The following PTGES2 variants were observed in gnomAD, a reference collection of about 807,000 sequenced individuals.
PTGES2 encodes the protein prostaglandin E synthase 2.
In PTGES2, 35 loss-of-function variants were observed where a neutral mutation model predicts 44.5. The observed-to-expected ratio is 0.79, with a 90% CI of 0.60 to 1.04. The LOEUF (loss-of-function observed/expected upper bound fraction) is 1.04, where lower values mean the gene tolerates loss of function less well. Ranked by LOEUF, PTGES2 falls within the 50% of genes least tolerant of loss-of-function variation. The pLI is 0.00. For missense variants in PTGES2, 517 were observed against 521.4 expected (o/e 0.99, Z 0.08); for synonymous variants, 221 against 227.5 (o/e 0.97, Z 0.26).
At position 128,123,672 on chromosome 9, in the gene PTGES2, C is replaced by T. The variant is rs1370356261; in HGVS notation, c.686+30G>A. The T allele has an allele frequency of 6.2e-7, 1 of 1,604,418 alleles. No homozygotes were observed. The highest frequency in any genetic ancestry group is 8.5e-7 in the Non-Finnish European group (1 of 1,173,898). ...CTACAGAAGACCCCTGCGGTCACCA[C>T]CTTCCCCCGCCAGCCCCAGCCCCAC... On this transcript the variant is annotated intron_variant, in intron 4 of 6. Coordinates refer to ENST00000338961, the MANE Select transcript of PTGES2 (RefSeq NM_025072.7). The surrounding 1 kb of genome is among the most constrained non-coding windows in gnomAD (Gnocchi z 4.4).
At chr9:128,127,372 C>T in intron 1 of PTGES2, 67 bp downstream of exon 1, 2 of 1,281,550 alleles carry the variant, frequency 1.6e-6, no homozygotes, top group East Asian at 3.0e-5. Context: ...CCTGACCCTG[C>T]GGGTTCCCAG....
chr9:128,127,692 C>A lies in PTGES2; in HGVS notation c.26G>T (p.Arg9Leu), dbSNP rs1177661924. The A allele has an allele frequency of 1.6e-6, 2 of 1,286,152 alleles. No homozygotes were observed. The highest frequency in any genetic ancestry group is 2.0e-6 in the Non-Finnish European group (2 of 1,017,088). The allele number at this position is 1,286,152 out of a possible 1,614,324, so 79.7% of individuals were successfully genotyped here. The change falls in exon 1 of 7, where the codon CGG becomes CTG. Residue 9 changes from arginine to leucine, a missense_variant. Transcript: ENST00000338961. Reference sequence around the variant, plus strand: ...GGCGCACCCACCAGGCCACAGCGCCCGCACCACCCGCGCAGCCGGGTCCAT... The same window carrying A: ...GGCGCACCCACCAGGCCACAGCGCCAGCACCACCCGCGCAGCCGGGTCCAT... MDPAARVV[R>L]ALWPGGCALA...
Position 128,122,454 on chromosome 9 carries a change from C to T in PTGES2, c.913G>A (p.Glu305Lys), listed in dbSNP as rs776906206. ...TTGTCAGCAGCCTCATAGAGGTCCT[C>T]GCGCACGTTGTCCTGGAGGCGGTGC... ...SRHRLQDNVREDLYEAADKWV... is the reference protein window; with the variant it reads ...SRHRLQDNVRKDLYEAADKWV... The change falls in exon 6 of 7, where the codon GAG becomes AAG. Residue 305 changes from glutamate to lysine, a missense_variant. Transcript: ENST00000338961. The T allele has an allele frequency of 2.4e-5, 38 of 1,614,024 alleles. 2 individuals carry two copies. The South Asian group carries it at 3.7e-4, about 16-fold the overall frequency.
Position 128,121,024 on chromosome 9 carries a change from G to T in PTGES2, c.*121C>A. ...TAGAAGCGAGAGGGCTGGTGGGGGT[G>T]CGTGGACAAGGGGCAGAATGATCCT... On this transcript the variant is annotated 3_prime_UTR_variant, in exon 7 of 7. Transcript: ENST00000338961. 2 of 1,272,914 alleles carry T rather than the reference G, an allele frequency of 1.6e-6. No individual in the cohort carries two copies. The highest frequency in any genetic ancestry group is 2.2e-6 in the Non-Finnish European group (2 of 923,736). 78.9% of individuals were successfully genotyped at this position (1,272,914 alleles called of 1,614,324 possible).
At chr9:128,128,093 C>G, upstream of PTGES2, 1 of 361,332 alleles carries the variant, frequency 2.8e-6, no homozygotes, top group South Asian at 2.2e-5. Flanking sequence ...CAAAACAACT[C>G]CAGCCCTTCC....
In PTGES2 at chr9:128,122,409, T is replaced by C; in HGVS notation, c.958A>G (p.Lys320Glu). 6.2e-7 allele frequency: 1 copy of C among 1,614,192 alleles called. No homozygotes were observed. Among genetic ancestry groups the C allele is most frequent in the South Asian group, 1.1e-5 (1 of 91,090 alleles). The change falls in exon 6 of 7, where the codon AAG (lysine) becomes GAG (glutamate). Residue 320 changes from lysine (K) to glutamate (E), a missense_variant. Coordinates refer to ENST00000338961, the MANE Select transcript of PTGES2 (RefSeq NM_025072.7). ...AADKWVAAVG[K>E]DRPFMGGQKP... ...TGGCCCCCCATGAAGGGCCGGTCCT[T>C]GCCCACAGCAGCCACCCACTTGTCA...
chr9:128,122,656 A>T, intron 5 of PTGES2, 177 bp from the exon 6 acceptor site: 1 of 641,710 alleles, frequency 1.6e-6, no homozygotes, highest in Non-Finnish European at 2.7e-6. Context: ...GCTGTGGTAA[A>T]GGCAAGAGAC....
At chr9:128,121,398 G>A (rs1486405135) in intron 6 of PTGES2, 125 bp from the exon 7 acceptor site, 1 of 1,208,280 alleles carries the variant, frequency 8.3e-7, no homozygotes, top group Non-Finnish European at 1.2e-6. Flanking sequence ...ACCCACTCAA[G>A]GGCCAACAGC....
intron 3 of PTGES2, among the ~76,000 whole-genome samples, chr9:128,124,133 A>AGT (rs1439254010): frequency 6.6e-6 from 1 of 151,104 alleles, no homozygotes; most frequent in Non-Finnish European, 1.5e-5. Context: ...CCCAGGCTGG[A>AGT]GTGCAGTGGC....
intron 2 of PTGES2, 96 bp downstream of exon 2, chr9:128,125,148 A>G (rs1173255075): frequency 1.7e-6 from 2 of 1,145,046 alleles, no homozygotes. Flanking sequence ...AAGGATCACA[A>G]GTTCCTTCCC....
Position 128,127,360 on chromosome 9 carries a change from C to A in PTGES2, c.279+79G>T, listed in dbSNP as rs544028600. ...CAAGGTCACAAGCAGGCAGAGGCAA[C>A]TCCTGACCCTGCGGGTTCCCAGGAG... On this transcript the variant is annotated intron_variant, in intron 1 of 6. Coordinates refer to ENST00000338961, the MANE Select transcript of PTGES2 (RefSeq NM_025072.7). 179 of 1,239,960 alleles carry A rather than the reference C, an allele frequency of 1.4e-4. No individual in the cohort carries two copies. The South Asian group carries it at 4.7e-3, about 33-fold the overall frequency. 76.8% of individuals were successfully genotyped at this position (1,239,960 alleles called of 1,614,324 possible). A position where few individuals can be genotyped will look rare whatever the true frequency, so the allele number is the denominator to read the frequency against.
chr9:128,127,045 G>A, intron 1 of PTGES2, among the ~76,000 whole-genome samples: 1 of 151,490 alleles, frequency 6.6e-6, no homozygotes, highest in Non-Finnish European at 1.5e-5. Flanking sequence ...AGGGCGCAGT[G>A]GGGTGAGCCT....
Position 128,125,254 on chromosome 9 carries a change from C to T in PTGES2, c.467G>A (p.Gly156Glu). 6.3e-7 allele frequency: 1 copy of T among 1,587,398 alleles called. No individual in the cohort carries two copies. Among genetic ancestry groups the T allele is most frequent in the Non-Finnish European group, 8.6e-7 (1 of 1,166,876 alleles). The change falls in exon 2 of 7, where the codon GGA becomes GAA. Residue 156 changes from glycine to glutamate, a missense_variant. Gly to Glu is a moderately conservative substitution (Grantham distance 98). Coordinates refer to ENST00000338961, the MANE Select transcript of PTGES2 (RefSeq NM_025072.7). Reference sequence around the variant, plus strand: ...TTCCCTGGGGCTCACCGAGCTTTCTCCTTCCTGGGCCACCAGGATGGGCAC... The same window carrying T: ...TTCCCTGGGGCTCACCGAGCTTTCTTCTTCCTGGGCCACCAGGATGGGCAC... ...RKVPILVAQE[G>E]ESSQQLNDSS...
At chr9:128,127,332 G>T (rs1025753122) in intron 1 of PTGES2, 107 bp downstream of exon 1, 2 of 1,032,570 alleles carry the variant, frequency 1.9e-6, no homozygotes, top group South Asian at 9.2e-5. Context: ...CAAGTCACTC[G>T]CCCAAGGTCA....
chr9:128,125,320 GGGTT>G lies in PTGES2; in HGVS notation c.397_400del (p.Asn133LeufsTer29). On this transcript the variant is annotated frameshift_variant, in exon 2 of 7. Coordinates refer to ENST00000338961, the MANE Select transcript of PTGES2 (RefSeq NM_025072.7). LOFTEE classifies it high-confidence loss of function. ...GAACTTGATCTCAGCCCTGCGCACA[GGGTT>G]CACCTCCACCACCTGGTAGGGCAGG... 1 of 1,614,062 alleles carries G rather than the reference GGGTT, an allele frequency of 6.2e-7. No individual in the cohort carries two copies.
intron 1 of PTGES2, among the ~76,000 whole-genome samples, chr9:128,126,074 C>T (rs1044213434): frequency 2.4e-4 from 36 of 152,198 alleles, no homozygotes; most frequent in Non-Finnish European, 4.1e-4. Context: ...CCAAGGCCTG[C>T]GTGTGGCAAG....
upstream of PTGES2, chr9:128,127,969 G>A (rs1834705893): frequency 6.6e-6 from 3 of 452,192 alleles, no homozygotes; most frequent in African/African-American, 2.1e-5. Context: ...CTCTTGGGTA[G>A]TGACCCGGCC....
In PTGES2 at chr9:128,121,199, C is replaced by T. The variant is rs764017847; in HGVS notation, c.1080G>A (p.Gln360=). ...CCCTCTCCACCCGCAGGTACCAGGGCTGGATGTGCGTGTGCTGCATCAGGT... is the reference window on the plus strand; with the variant it reads ...CCCTCTCCACCCGCAGGTACCAGGGTTGGATGTGCGTGTGCTGCATCAGGT... ...FDDLMQHTHI[Q]PWYLRVERAI... Residue 360 remains glutamine (Q), a synonymous_variant, in exon 7 of 7, where the codon CAG becomes CAA. Transcript: ENST00000338961. The T allele has an allele frequency of 1.9e-6, 3 of 1,595,430 alleles. No homozygotes were observed. The highest frequency in any genetic ancestry group is 2.6e-6 in the Non-Finnish European group (3 of 1,171,304).
In PTGES2 at chr9:128,123,910, C is replaced by T. The variant is rs767602026; in HGVS notation, c.537-59G>A. ...TTCCCCCTCCGTCCCCTGTGGCCGA[C>T]CAACCCCGCTGCCCCAGCCTCAGAG... On this transcript the variant is annotated intron_variant, in intron 3 of 6. Transcript: ENST00000338961. The surrounding 1 kb of genome is among the most constrained non-coding windows in gnomAD (Gnocchi z 4.4). 54 of 1,578,008 alleles carry T rather than the reference C, an allele frequency of 3.4e-5. 1 individual carries two copies. Among genetic ancestry groups the T allele is most frequent in the Non-Finnish European group, 4.6e-5 (53 of 1,154,050 alleles).
Sources: allele counts gnomAD v4.1 joint callset (sites outside exome capture counted in the v4.1 genomes callset), GRCh38; gene constraint gnomAD v4.1.1; non-coding constraint Gnocchi (gnomAD v3.1); transcripts MANE v1.5; gene names NCBI Gene and HGNC (gene_info 2026-07-23, HGNC 2026-07-21).